KANSL1: variants seen among roughly 807,000 people sequenced by gnomAD.
The protein encoded by KANSL1 is MLL1/MLL complex subunit KANSL1.
A neutral mutation model predicts 103.6 loss-of-function variants in KANSL1; 22 were observed. The observed-to-expected ratio is 0.21, with a 90% CI of 0.15 to 0.30. The LOEUF (loss-of-function observed/expected upper bound fraction) is 0.30, where lower values mean the gene tolerates loss of function less well. KANSL1 is among the 10% of genes least tolerant of loss of function. The probability of loss-of-function intolerance (pLI) is 1.00; values close to 1 mark genes in which losing one functional copy is unlikely to be tolerated. For synonymous variants in KANSL1, 600 were observed against 527.6 expected (o/e 1.14, Z -1.88); for missense variants, 1,337 against 1,399.8 (o/e 0.96, Z 0.72).
At chr17:46,156,165 T>C (rs1016749011) in intron 2 of KANSL1, among the ~76,000 whole-genome samples, 3 of 152,130 alleles carry the variant, frequency 2.0e-5, no homozygotes, top group African/African-American at 7.2e-5. Flanking sequence ...CTGACCAACA[T>C]GGTGAAACCC....
chr17:46,181,452 A>G (rs866077567), intron 1 of KANSL1, among the ~76,000 whole-genome samples: 8 of 151,448 alleles, frequency 5.3e-5, no homozygotes, highest in African/African-American at 1.7e-4. Context: ...TTTTTGAGAC[A>G]AAGTCTCGCT....
chr17:46,112,027 T>C (rs571518119), intron 2 of KANSL1, among the ~76,000 whole-genome samples: 5 of 152,148 alleles, frequency 3.3e-5, no homozygotes, highest in Non-Finnish European at 7.3e-5. Flanking sequence ...CAAAGGAGAA[T>C]GGCTGAGTAT....
At chr17:46,097,416 A>C (rs1342402154) in intron 2 of KANSL1, among the ~76,000 whole-genome samples, 1 of 152,276 alleles carries the variant, frequency 6.6e-6, no homozygotes, top group Non-Finnish European at 1.5e-5. Context: ...AACATTAATA[A>C]GGATTGTTAC....
chr17:46,171,380 C>A lies in KANSL1; in HGVS notation c.764G>T (p.Ser255Ile). The change falls in exon 2 of 15, where the codon AGC (serine) becomes ATC (isoleucine). Residue 255 changes from serine to isoleucine, a missense_variant. Transcript: ENST00000432791. ...CAATTTGACACCCCCCAAGTTAGAG[C>A]TGGAGTCTGTACCAGGTGATAATCT... is the stretch of plus-strand genomic sequence containing the variant. Reference protein sequence around the residue: ...SSRLSPGTDSSSNLGGVKLEG... With the variant: ...SSRLSPGTDSISNLGGVKLEG... The A allele has an allele frequency of 1.2e-6, 2 of 1,614,134 alleles. No individual in the cohort carries two copies. Among genetic ancestry groups the A allele is most frequent in the Non-Finnish European group, 8.5e-7 (1 of 1,180,026 alleles).
intron 1 of KANSL1, among the ~76,000 whole-genome samples, chr17:46,219,518 A>G (rs1479599080): frequency 6.6e-6 from 1 of 152,302 alleles, no homozygotes; most frequent in East Asian, 1.9e-4. Flanking sequence ...GCACACCACC[A>G]TGCCTGGCTA....
chr17:46,096,311 C>CTTTTTTTTCTTTTTTT (rs2042069609), intron 2 of KANSL1, among the ~76,000 whole-genome samples: 2 of 76,406 alleles, frequency 2.6e-5, no homozygotes, highest in African/African-American at 1.1e-4. Flanking sequence ...GCTTTTTTTT[C>CTTTTTTTTCTTTTTTT]TTTTTTTTTT....
At chr17:46,130,118 T>TA (rs974093839) in intron 2 of KANSL1, among the ~76,000 whole-genome samples, 55 of 140,542 alleles carry the variant, frequency 3.9e-4, no homozygotes, top group African/African-American at 1.2e-3. Flanking sequence ...CCCAGAAAGG[T>TA]AGAGGGTGCA....
intron 10 of KANSL1, chr17:46,037,343 GA>G (rs2077180552): frequency 6.6e-6 from 1 of 152,244 alleles, no homozygotes; most frequent in Non-Finnish European, 1.5e-5. Flanking sequence ...CGGGGGTAAA[GA>G]AAGTCGAAGA....
chr17:46,126,019 C>T (rs556648943), intron 2 of KANSL1, among the ~76,000 whole-genome samples: 1 of 152,202 alleles, frequency 6.6e-6, no homozygotes, highest in African/African-American at 2.4e-5. Context: ...AGTCACACAG[C>T]TTATCAGTAC....
upstream of KANSL1, chr17:46,196,660 T>C (rs963306124): frequency 6.7e-6 from 2 of 297,392 alleles, no homozygotes; most frequent in Admixed American, 9.2e-5. Context: ...ACAATAAACA[T>C]TTATTAATTG....
chr17:46,034,332 C>T, intron 10 of KANSL1, 47 bp from the exon 11 acceptor site: 2 of 1,601,976 alleles, frequency 1.2e-6, no homozygotes, highest in Non-Finnish European at 1.7e-6. Flanking sequence ...ATTTTACAGA[C>T]ATCAAATCAT....
intron 1 of KANSL1, among the ~76,000 whole-genome samples, chr17:46,184,799 A>C (rs1405800176): frequency 1.4e-5 from 2 of 147,566 alleles, no homozygotes; most frequent in Non-Finnish European, 3.0e-5. Context: ...ATATAAACTC[A>C]CAATTTTGTC....
chr17:46,110,273 T>G (rs2042745629), intron 2 of KANSL1, among the ~76,000 whole-genome samples: 1 of 152,248 alleles, frequency 6.6e-6, no homozygotes, highest in Non-Finnish European at 1.5e-5. Context: ...TTTTACTTCA[T>G]TTTACTAGTG....
chr17:46,141,381 G>C (rs1331380676), intron 2 of KANSL1, among the ~76,000 whole-genome samples: 1 of 152,240 alleles, frequency 6.6e-6, no homozygotes, highest in Non-Finnish European at 1.5e-5. Flanking sequence ...CAGGAGAGCA[G>C]CTGAAGAGCC....
chr17:46,079,332 T>A (rs1482200493), intron 4 of KANSL1, among the ~76,000 whole-genome samples: 1 of 152,222 alleles, frequency 6.6e-6, no homozygotes, highest in Non-Finnish European at 1.5e-5. Context: ...AAAAAGACTA[T>A]GTATCCTTGC....
intron 2 of KANSL1, among the ~76,000 whole-genome samples, chr17:46,109,932 G>A (rs960372693): frequency 1.1e-4 from 16 of 152,220 alleles, no homozygotes; most frequent in Non-Finnish European, 2.2e-4. Flanking sequence ...ATTCCAGCAT[G>A]CACAGCAAAG....
chr17:46,189,207 C>T (rs2047189705), intron 1 of KANSL1, among the ~76,000 whole-genome samples: 1 of 151,940 alleles, frequency 6.6e-6, no homozygotes, highest in South Asian at 2.1e-4. Flanking sequence ...GGAATCACAG[C>T]GAGACCCCGA....
At chr17:46,073,429 G>C (rs1452806155) in intron 4 of KANSL1, among the ~76,000 whole-genome samples, 3 of 151,956 alleles carry the variant, frequency 2.0e-5, no homozygotes, top group Non-Finnish European at 2.9e-5. Context: ...GTCAAATCTA[G>C]TATTTTAAAA....
intron 4 of KANSL1, among the ~76,000 whole-genome samples, chr17:46,071,456 T>G (rs145919426): frequency 3.2e-4 from 48 of 152,262 alleles, no homozygotes; most frequent in South Asian, 1.2e-3. Context: ...CAGTGTTCCA[T>G]TTGGAAAAAG....
Sources: allele counts gnomAD v4.1 joint callset (sites outside exome capture counted in the v4.1 genomes callset), GRCh38; gene constraint gnomAD v4.1.1; transcripts MANE v1.5; gene names NCBI Gene and HGNC (gene_info 2026-07-23, HGNC 2026-07-21).